The following STIM1 variants were observed in gnomAD, a reference collection of about 807,000 sequenced individuals.
STIM1 encodes stromal interaction molecule 1.
Under a neutral mutation model 74.7 loss-of-function variants are expected in STIM1, and 25 were observed. That is an observed-to-expected ratio of 0.33 (90% CI 0.24 to 0.47). STIM1 has a LOEUF of 0.47. Ranked by LOEUF, STIM1 falls within the 20% of genes least tolerant of loss-of-function variation. The pLI is 1.00. For synonymous variants in STIM1, 328 were observed against 348.8 expected (o/e 0.94, Z 0.66); for missense variants, 728 against 920.8 (o/e 0.79, Z 2.71).
At chr11:4,051,618 C>T (rs930858751) in intron 3 of STIM1, among the ~76,000 whole-genome samples, 52 of 152,152 alleles carry the variant, frequency 3.4e-4, no homozygotes, top group Non-Finnish European at 6.6e-4. Context: ...GCTGGGATTA[C>T]AGTCATGAAC....
intron 1 of STIM1, among the ~76,000 whole-genome samples, chr11:3,902,636 T>A (rs1281896658): frequency 6.6e-6 from 1 of 152,212 alleles, no homozygotes; most frequent in Non-Finnish European, 1.5e-5. Flanking sequence ...GCCGCTCACC[T>A]CCTGCTGTGT....
chr11:3,960,649 C>T (rs923244822), intron 1 of STIM1, among the ~76,000 whole-genome samples: 1 of 152,160 alleles, frequency 6.6e-6, no homozygotes, highest in South Asian at 2.1e-4. Context: ...TTTAAGAAAC[C>T]TACCGCTTGT....
At chr11:3,931,313 C>G (rs1323171311) in intron 1 of STIM1, among the ~76,000 whole-genome samples, 1 of 152,138 alleles carries the variant, frequency 6.6e-6, no homozygotes, top group Admixed American at 6.5e-5. Flanking sequence ...ATTTATTCAG[C>G]AATCATTTAC....
At chr11:3,863,833 G>C (rs1179518345) in intron 1 of STIM1, among the ~76,000 whole-genome samples, 2 of 152,126 alleles carry the variant, frequency 1.3e-5, no homozygotes, top group African/African-American at 4.8e-5. Flanking sequence ...AAGTGCAAGA[G>C]TGATTGCTGA....
At chr11:4,090,832 C>G (rs926844261) in intron 12 of STIM1, among the ~76,000 whole-genome samples, 4 of 152,198 alleles carry the variant, frequency 2.6e-5, no homozygotes, top group African/African-American at 9.7e-5. Context: ...GAGCATTCAC[C>G]ACTGGTGGGG....
intron 1 of STIM1, among the ~76,000 whole-genome samples, chr11:3,897,087 A>G (rs2092199834): frequency 6.6e-6 from 1 of 152,304 alleles, no homozygotes; most frequent in Middle Eastern, 3.4e-3. Flanking sequence ...TCAATAAAGT[A>G]GAGGTTTTGT....
Position 4,011,520 on chromosome 11 carries a change from C to T in STIM1, c.271-12353C>T, listed in dbSNP as rs545751208. 4.6e-5 allele frequency among the ~76,000 whole-genome samples: 7 copies of T among 152,234 alleles called. No individual in the cohort carries two copies. In the East Asian group the frequency reaches 7.7e-4, roughly 17 times the overall value. On this transcript the variant is annotated intron_variant, in intron 2 of 12. Coordinates refer to ENST00000526596, the MANE Select transcript of STIM1 (RefSeq NM_001382567.1). Reference sequence around the variant, plus strand: ...ATGTGTCTGTTGGCTGCATAAATGTCTTCTTTTGAGAAGTGTCTGTTCATA... The same window carrying T: ...ATGTGTCTGTTGGCTGCATAAATGTTTTCTTTTGAGAAGTGTCTGTTCATA...
In STIM1 at chr11:3,966,943, C is replaced by T. The variant is rs112135854; in HGVS notation, c.140-609C>T. 5.8e-3 allele frequency among the ~76,000 whole-genome samples: 882 copies of T among 152,290 alleles called. 5 individuals carry two copies. Among genetic ancestry groups the T allele is most frequent in the Non-Finnish European group, 8.4e-3 (570 of 68,014 alleles). ...CCTAAGGTGTTGTATCAGATGAGCTCGGGACCTTCAGATATCTAAAAAATA... is the reference window on the plus strand; with the variant it reads ...CCTAAGGTGTTGTATCAGATGAGCTTGGGACCTTCAGATATCTAAAAAATA... On this transcript the variant is annotated intron_variant, in intron 1 of 12. Transcript: ENST00000526596.
At chr11:3,895,881 C>CTTTTT (rs767063197) in intron 1 of STIM1, among the ~76,000 whole-genome samples, 1 of 107,634 alleles carries the variant, frequency 9.3e-6, no homozygotes, top group African/African-American at 3.4e-5. Flanking sequence ...CTTTTCTTTT[C>CTTTTT]TTTCTTTTCT....
intron 1 of STIM1, among the ~76,000 whole-genome samples, chr11:3,941,618 C>CATAT (rs1422798798): frequency 8.9e-5 from 8 of 90,066 alleles, no homozygotes; most frequent in African/African-American, 3.8e-4. Flanking sequence ...TGTGTGTATA[C>CATAT]ATATATATAT....
chr11:3,963,381 C>T (rs1438222338), intron 1 of STIM1, among the ~76,000 whole-genome samples: 2 of 152,122 alleles, frequency 1.3e-5, no homozygotes, highest in Non-Finnish European at 2.9e-5. Flanking sequence ...GGATAATGAC[C>T]TCCATCTCCA....
intron 1 of STIM1, among the ~76,000 whole-genome samples, chr11:3,869,268 C>T (rs2090986892): frequency 6.6e-6 from 1 of 152,220 alleles, no homozygotes; most frequent in Non-Finnish European, 1.5e-5. Flanking sequence ...CGCACCTGGC[C>T]TGAGTACTAT....
chr11:3,911,270 A>G (rs968686911), intron 1 of STIM1, among the ~76,000 whole-genome samples: 5 of 152,094 alleles, frequency 3.3e-5, no homozygotes, highest in African/African-American at 1.2e-4. Context: ...TTTCTCAGAG[A>G]TTCTAAAATC....
chr11:3,895,713 TC>T (rs2092100588), intron 1 of STIM1, among the ~76,000 whole-genome samples: 2 of 38,206 alleles, frequency 5.2e-5, no homozygotes, highest in African/African-American at 3.6e-4. Flanking sequence ...TTTCTTTCTT[TC>T]TTTCTTTCTT....
chr11:3,989,787 A>G (rs1260740602), intron 2 of STIM1, among the ~76,000 whole-genome samples: 2 of 152,356 alleles, frequency 1.3e-5, no homozygotes, highest in Admixed American at 6.5e-5. Context: ...TAGTTGCGAC[A>G]GAGACCATAT....
chr11:4,004,613 G>C (rs917013853), intron 2 of STIM1, among the ~76,000 whole-genome samples: 3 of 151,080 alleles, frequency 2.0e-5, no homozygotes, highest in African/African-American at 7.3e-5. Context: ...TTAAACGTTA[G>C]ACCTAAAACC....
At chr11:3,871,179 C>T (rs549320684) in intron 1 of STIM1, among the ~76,000 whole-genome samples, 10 of 152,244 alleles carry the variant, frequency 6.6e-5, no homozygotes, top group African/African-American at 2.4e-4. Flanking sequence ...CTATCAGCTA[C>T]TCCTGACCAG....
chr11:4,039,324 C>T (rs1158017921), intron 3 of STIM1, among the ~76,000 whole-genome samples: 1 of 151,778 alleles, frequency 6.6e-6, no homozygotes, highest in African/African-American at 2.4e-5. Context: ...CGTGGTGGCT[C>T]ATGTCTGTAA....
In STIM1 at chr11:4,023,336, C is replaced by A. The variant is rs553205158; in HGVS notation, c.271-537C>A. On this transcript the variant is annotated intron_variant, in intron 2 of 12. Coordinates refer to ENST00000526596, the MANE Select transcript of STIM1 (RefSeq NM_001382567.1). ...GAGCGAGACTCTGTCTCAAGACAAA[C>A]AAACAAACAAACAAACAAACAAACA... 2.0e-5 allele frequency among the ~76,000 whole-genome samples: 3 copies of A among 151,976 alleles called. No homozygotes were observed. In the East Asian group the frequency reaches 5.8e-4, roughly 29 times the overall value.
Sources: allele counts gnomAD v4.1 joint callset (sites outside exome capture counted in the v4.1 genomes callset), GRCh38; gene constraint gnomAD v4.1.1; transcripts MANE v1.5; gene names NCBI Gene and HGNC (gene_info 2026-07-23, HGNC 2026-07-21).